IPCEF1: variants seen among roughly 807,000 people sequenced by gnomAD.
IPCEF1 encodes interaction protein for cytohesin exchange factors 1, also known as interactor protein for cytohesin exchange factors 1.
A neutral mutation model predicts 50.9 loss-of-function variants in IPCEF1; 31 were observed. The observed-to-expected ratio is 0.61, with a 90% CI of 0.46 to 0.82. The LOEUF (loss-of-function observed/expected upper bound fraction) is 0.82. IPCEF1 is among the 40% of genes least tolerant of loss of function. The pLI is 0.00. For missense variants in IPCEF1, 458 were observed against 514.0 expected (o/e 0.89, Z 1.05); for synonymous variants, 181 against 192.0 (o/e 0.94, Z 0.47).
At chr6:154,347,352 G>A (rs35521889) in intron 1 of IPCEF1, among the ~76,000 whole-genome samples, 4,832 of 152,274 alleles carry the variant, frequency 0.032, 102 homozygotes, top group Non-Finnish European at 0.042. Flanking sequence ...ACTATTTCTG[G>A]GTGACCTTGA....
At chr6:154,259,415 G>C (rs540082201) in intron 3 of IPCEF1, among the ~76,000 whole-genome samples, 29 of 152,330 alleles carry the variant, frequency 1.9e-4, no homozygotes, top group African/African-American at 6.7e-4. Context: ...AATTTTGGGA[G>C]GCCAAGGCAG....
intron 9 of IPCEF1, among the ~76,000 whole-genome samples, chr6:154,201,883 A>G (rs2128593627): frequency 6.6e-6 from 1 of 152,344 alleles, no homozygotes; most frequent in South Asian, 2.1e-4. Flanking sequence ...CAACAGAGTG[A>G]GGCTCCATCT....
chr6:154,158,202 G>A lies in IPCEF1; in HGVS notation c.*1626C>T, dbSNP rs1255214203. The A allele has an allele frequency of 1.3e-5, 2 of 152,144 alleles. No homozygotes were observed. Among genetic ancestry groups the A allele is most frequent in the African/African-American group, 4.8e-5 (2 of 41,426 alleles). The allele number at this position is 152,144 out of a possible 1,614,324, so 9.4% of individuals were successfully genotyped here. ...ATAATTCAGGTGGTTCCTTCCATTT[G>A]AATGTCAAGCCACACTTTGAAGCTA... On this transcript the variant is annotated 3_prime_UTR_variant, in exon 12 of 12. Coordinates refer to ENST00000367220, the MANE Select transcript of IPCEF1 (RefSeq NM_001130700.2).
chr6:154,238,354 CA>C (rs763065099), intron 5 of IPCEF1, among the ~76,000 whole-genome samples: 1 of 152,134 alleles, frequency 6.6e-6, no homozygotes, highest in Non-Finnish European at 1.5e-5. Flanking sequence ...CTCCCAGGTT[CA>C]AGCGATTCTC....
At chr6:154,237,306 C>T (rs994147856) in intron 5 of IPCEF1, among the ~76,000 whole-genome samples, 6 of 152,196 alleles carry the variant, frequency 3.9e-5, no homozygotes, top group Admixed American at 6.5e-5. Flanking sequence ...GGGTGGAAAA[C>T]GCTGTATTGA....
intron 1 of IPCEF1, among the ~76,000 whole-genome samples, chr6:154,336,923 A>G (rs1783800441): frequency 6.6e-6 from 1 of 152,190 alleles, no homozygotes; most frequent in Non-Finnish European, 1.5e-5. Context: ...TGAGTCTTAT[A>G]TTCAATAGCA....
chr6:154,278,513 C>T (rs1306410752), intron 2 of IPCEF1, among the ~76,000 whole-genome samples: 2 of 152,200 alleles, frequency 1.3e-5, no homozygotes, highest in Non-Finnish European at 2.9e-5. Flanking sequence ...AACTGCCAAG[C>T]CAAGTCAACC....
intron 9 of IPCEF1, among the ~76,000 whole-genome samples, chr6:154,211,528 G>T (rs1311351016): frequency 6.6e-6 from 1 of 152,002 alleles, no homozygotes; most frequent in Non-Finnish European, 1.5e-5. Flanking sequence ...CTGAACCTCA[G>T]TTTCCTTAAC....
chr6:154,199,592 T>C, intron 10 of IPCEF1, 76 bp downstream of exon 10: 2 of 1,415,288 alleles, frequency 1.4e-6, no homozygotes. Flanking sequence ...CCATTCTTGT[T>C]ACAAATTAAT....
At chr6:154,209,395 A>T (rs1187612684) in intron 9 of IPCEF1, among the ~76,000 whole-genome samples, 2 of 152,130 alleles carry the variant, frequency 1.3e-5, no homozygotes, top group Non-Finnish European at 2.9e-5. Context: ...TTACGCTTGT[A>T]ATCCTAGCAC....
intron 1 of IPCEF1, among the ~76,000 whole-genome samples, chr6:154,328,909 A>G (rs754160664): frequency 2.9e-4 from 44 of 152,256 alleles, no homozygotes; most frequent in Admixed American, 6.5e-4. Context: ...ACTGAACTTC[A>G]AAGTATTCTG....
chr6:154,237,335 T>C (rs529746381), intron 5 of IPCEF1, among the ~76,000 whole-genome samples: 1 of 152,350 alleles, frequency 6.6e-6, no homozygotes, highest in Admixed American at 6.5e-5. Flanking sequence ...CAATGTCTTC[T>C]AGTCCATTCC....
intron 5 of IPCEF1, among the ~76,000 whole-genome samples, chr6:154,236,979 A>G (rs970742303): frequency 6.6e-6 from 1 of 152,162 alleles, no homozygotes; most frequent in Admixed American, 6.5e-5. Context: ...GAAATATTCA[A>G]TATTTGTTTA....
intron 1 of IPCEF1, among the ~76,000 whole-genome samples, chr6:154,329,281 T>G (rs1783598479): frequency 6.6e-6 from 1 of 151,818 alleles, no homozygotes; most frequent in Non-Finnish European, 1.5e-5. Flanking sequence ...AGAGTAATAT[T>G]TTTAGGTAAC....
chr6:154,290,893 C>T (rs1173347008), intron 1 of IPCEF1, among the ~76,000 whole-genome samples: 11 of 127,288 alleles, frequency 8.6e-5, no homozygotes, highest in East Asian at 2.1e-4. Context: ...AATATATTGC[C>T]TTTTTTTTTT....
At chr6:154,176,280 T>A (rs1393207491) in intron 10 of IPCEF1, among the ~76,000 whole-genome samples, 2 of 152,190 alleles carry the variant, frequency 1.3e-5, no homozygotes, top group African/African-American at 4.8e-5. Flanking sequence ...GGATGCCCTC[T>A]CTCACCACTC....
At chr6:154,178,099 T>A (rs1800505916) in intron 10 of IPCEF1, among the ~76,000 whole-genome samples, 3 of 117,238 alleles carry the variant, frequency 2.6e-5, no homozygotes, top group Admixed American at 2.5e-4. Context: ...TGAGGACACA[T>A]GGACACAGGG....
chr6:154,186,897 C>T (rs1027420610), intron 10 of IPCEF1, among the ~76,000 whole-genome samples: 2 of 152,122 alleles, frequency 1.3e-5, no homozygotes, highest in Non-Finnish European at 2.9e-5. Flanking sequence ...GGCACCGCTC[C>T]TCCCTGCAGA....
chr6:154,193,588 T>A (rs776828738), intron 10 of IPCEF1, among the ~76,000 whole-genome samples: 9 of 152,086 alleles, frequency 5.9e-5, no homozygotes, highest in Non-Finnish European at 1.2e-4. Flanking sequence ...AAAACTTCAA[T>A]AACATCAAAA....
Sources: allele counts gnomAD v4.1 joint callset (sites outside exome capture counted in the v4.1 genomes callset), GRCh38; gene constraint gnomAD v4.1.1; transcripts MANE v1.5; gene names NCBI Gene and HGNC (gene_info 2026-07-23, HGNC 2026-07-21).